The following MACROD2 variants were observed in gnomAD, a reference collection of about 807,000 sequenced individuals.
The protein encoded by MACROD2 is mono-ADP ribosylhydrolase 2.
In MACROD2, 36 loss-of-function variants were observed where a neutral mutation model predicts 70.4. The ratio of observed to expected loss-of-function variants is 0.51; its 90% CI spans 0.39 to 0.68. The LOEUF (loss-of-function observed/expected upper bound fraction) is 0.68. MACROD2 is among the 30% of genes least tolerant of loss of function. The pLI is 0.00. For missense variants in MACROD2, 496 were observed against 538.4 expected, an observed-to-expected ratio of 0.92 and a Z score of 0.78; for synonymous variants, 172 against 178.8, an observed-to-expected ratio of 0.96 and a Z score of 0.30.
intron 5 of MACROD2, among the ~76,000 whole-genome samples, chr20:14,805,187 C>T (rs1389282776): frequency 4.6e-5 from 7 of 151,854 alleles, no homozygotes; most frequent in Non-Finnish European, 1.0e-4. Flanking sequence ...TAATGGTTGC[C>T]CAAAATGTTG....
intron 3 of MACROD2, among the ~76,000 whole-genome samples, chr20:14,096,125 C>A (rs748144541): frequency 7.2e-5 from 11 of 152,146 alleles, no homozygotes; most frequent in Non-Finnish European, 1.3e-4. Flanking sequence ...TATATTGGCA[C>A]ACTTTTGGAC....
chr20:14,504,399 A>G (rs561776120), intron 4 of MACROD2, among the ~76,000 whole-genome samples: 35 of 152,372 alleles, frequency 2.3e-4, no homozygotes, highest in African/African-American at 8.4e-4. Context: ...GGGCAGACCC[A>G]GTATTTAAGC....
chr20:14,177,252 A>T (rs1338553895), intron 3 of MACROD2, among the ~76,000 whole-genome samples: 1 of 151,500 alleles, frequency 6.6e-6, no homozygotes. Flanking sequence ...ACTACAAGTG[A>T]TGGCTAGCCC....
chr20:14,942,994 A>C (rs1417530231), intron 5 of MACROD2, among the ~76,000 whole-genome samples: 2 of 152,186 alleles, frequency 1.3e-5, no homozygotes, highest in African/African-American at 2.4e-5. Flanking sequence ...CTGCTGTTTC[A>C]AAGGCTGGCA....
intron 2 of MACROD2, among the ~76,000 whole-genome samples, chr20:14,073,285 A>G (rs939756235): frequency 3.9e-5 from 6 of 152,216 alleles, no homozygotes; most frequent in Admixed American, 3.9e-4. Context: ...GCAGTGAGCC[A>G]AGATCATGCC....
chr20:15,243,905 G>A (rs774121287), intron 6 of MACROD2, among the ~76,000 whole-genome samples: 12 of 152,008 alleles, frequency 7.9e-5, no homozygotes, highest in Non-Finnish European at 1.0e-4. Flanking sequence ...CAGCCTGGGC[G>A]ACAGAGCGAG....
intron 7 of MACROD2, among the ~76,000 whole-genome samples, chr20:15,434,808 T>G (rs557988411): frequency 6.6e-6 from 1 of 152,164 alleles, no homozygotes; most frequent in East Asian, 1.9e-4. Flanking sequence ...GAAAATGTGG[T>G]ATGTATATAC....
chr20:14,359,439 C>T (rs1029143409), intron 3 of MACROD2, among the ~76,000 whole-genome samples: 2 of 151,986 alleles, frequency 1.3e-5, no homozygotes, highest in African/African-American at 4.8e-5. Flanking sequence ...ATAGAACTAC[C>T]ATATGATTCA....
At chr20:16,042,614 A>G (rs962018711) in intron 16 of MACROD2, among the ~76,000 whole-genome samples, 3 of 152,014 alleles carry the variant, frequency 2.0e-5, no homozygotes, top group African/African-American at 7.2e-5. Flanking sequence ...TAGAACTAGT[A>G]TCCCTTGGTT....
intron 3 of MACROD2, among the ~76,000 whole-genome samples, chr20:14,196,855 T>C (rs1338439361): frequency 6.6e-6 from 1 of 152,234 alleles, no homozygotes; most frequent in Non-Finnish European, 1.5e-5. Flanking sequence ...ACAGAAAAAC[T>C]AGAAACTGAT....
At chr20:15,000,076 C>T (rs1038780438) in intron 5 of MACROD2, among the ~76,000 whole-genome samples, 2 of 152,006 alleles carry the variant, frequency 1.3e-5, no homozygotes, top group African/African-American at 4.8e-5. Context: ...GACTGGGAAC[C>T]AAGAGGACTT....
intron 12 of MACROD2, among the ~76,000 whole-genome samples, chr20:15,949,472 A>T (rs1205782483): frequency 1.3e-5 from 2 of 152,176 alleles, no homozygotes; most frequent in Non-Finnish European, 2.9e-5. Context: ...CCAGCCCCTG[A>T]CCATCAAGAT....
intron 5 of MACROD2, among the ~76,000 whole-genome samples, chr20:15,023,624 A>T (rs2075206827): frequency 6.6e-6 from 1 of 152,206 alleles, no homozygotes; most frequent in South Asian, 2.1e-4. Context: ...GGCATGTCTT[A>T]CATGGCGGCA....
intron 8 of MACROD2, among the ~76,000 whole-genome samples, chr20:15,807,982 T>C (rs2063784349): frequency 6.6e-6 from 1 of 152,138 alleles, no homozygotes; most frequent in African/African-American, 2.4e-5. Flanking sequence ...GTTATTTGCA[T>C]AAAAAAGCAC....
At chr20:15,906,521 A>G (rs934629047) in intron 10 of MACROD2, among the ~76,000 whole-genome samples, 1 of 152,186 alleles carries the variant, frequency 6.6e-6, no homozygotes, top group African/African-American at 2.4e-5. Context: ...TAGAACATGA[A>G]TATGGATATA....
At chr20:15,481,248 T>A (rs2047093385) in intron 7 of MACROD2, among the ~76,000 whole-genome samples, 1 of 152,226 alleles carries the variant, frequency 6.6e-6, no homozygotes, top group African/African-American at 2.4e-5. Context: ...CACATGTCAG[T>A]ACATACCTGC....
At chr20:15,746,872 A>G (rs1248144511) in intron 8 of MACROD2, among the ~76,000 whole-genome samples, 1 of 152,154 alleles carries the variant, frequency 6.6e-6, no homozygotes, top group Non-Finnish European at 1.5e-5. Context: ...TGAAAGTAAC[A>G]GTCAAGATTT....
chr20:14,360,538 G>A lies in MACROD2; in HGVS notation c.272-132941G>A, dbSNP rs150337215. On this transcript the variant is annotated intron_variant, in intron 3 of 17. Transcript: ENST00000684519. The stretch of plus-strand genomic sequence containing the variant: ...TGGGTTTGGAATGTGGGAGATGTCT[G>A]ACCTGCACTGCTGTTTGTAAAAAGA... 2.0e-5 allele frequency among the ~76,000 whole-genome samples: 3 copies of A among 152,304 alleles called. No homozygotes were observed. In the East Asian group the frequency reaches 5.8e-4, roughly 29 times the overall value.
chr20:14,460,882 T>G (rs550367971), intron 3 of MACROD2, among the ~76,000 whole-genome samples: 17 of 152,226 alleles, frequency 1.1e-4, no homozygotes, highest in African/African-American at 3.9e-4. Flanking sequence ...TGAAATTATT[T>G]TGTCATTGTT....
Sources: gnomAD v4.1 joint callset for allele counts (sites outside exome capture counted in the v4.1 genomes callset) on GRCh38, gnomAD v4.1.1 for gene constraint, MANE v1.5 for transcripts, NCBI Gene and HGNC (gene_info 2026-07-23, HGNC 2026-07-21) for gene names.